The following RABL2B variants were observed in gnomAD, a reference collection of about 807,000 sequenced individuals.
RABL2B encodes the protein RAB, member of RAS oncogene family like 2B.
RABL2B carries 17 observed loss-of-function variants against 26.7 expected under a neutral mutation model. That is an observed-to-expected ratio of 0.64 (90% CI 0.44 to 0.95). The LOEUF is 0.95. Among genes scored for constraint, RABL2B ranks in the 40% least tolerant of loss-of-function variants. The probability of loss-of-function intolerance (pLI) is 0.00; values close to 1 mark genes in which losing one functional copy is unlikely to be tolerated. For missense variants in RABL2B, 170 were observed against 277.2 expected (o/e 0.61, Z 2.75); for synonymous variants, 70 against 103.9 (o/e 0.67, Z 1.99).
At chr22:50,778,459 T>C (rs1172104383) in intron 2 of RABL2B, among the ~76,000 whole-genome samples, 1 of 151,696 alleles carries the variant, frequency 6.6e-6, no homozygotes, top group Non-Finnish European at 1.5e-5. Context: ...GACACACGCC[T>C]GTGATCCCAG....
intron 5 of RABL2B, among the ~76,000 whole-genome samples, chr22:50,774,039 C>T (rs1452114127): frequency 1.1e-4 from 16 of 152,132 alleles, no homozygotes; most frequent in East Asian, 1.9e-4. Flanking sequence ...GGACTACAGG[C>T]GCCCGCTACC....
chr22:50,774,596 G>A (rs1263493543), intron 5 of RABL2B, among the ~76,000 whole-genome samples: 2 of 149,122 alleles, frequency 1.3e-5, no homozygotes, highest in African/African-American at 2.5e-5. Flanking sequence ...ATGGATTCCC[G>A]ATCCATCAGA....
Position 50,775,881 on chromosome 22 carries a change from G to A in RABL2B, c.218-30C>T, listed in dbSNP as rs781969250. ...AATGTGAACACAGACAGACCTACAT[G>A]CCTGGTGCACTTCTGTGCAAGTCAC... On this transcript the variant is annotated intron_variant, in intron 4 of 8. Transcript: ENST00000691320. 13 of 1,614,012 alleles carry A rather than the reference G, an allele frequency of 8.1e-6. No homozygotes were observed. In the South Asian group the frequency reaches 1.3e-4, roughly 16 times the overall value.
chr22:50,779,705 C>T (rs148755559), intron 2 of RABL2B, among the ~76,000 whole-genome samples: 2 of 152,152 alleles, frequency 1.3e-5, no homozygotes, highest in Non-Finnish European at 2.9e-5. Context: ...TCTTGTTGGC[C>T]GGGTGCGGTG....
chr22:50,776,846 C>T (rs2085067902), intron 3 of RABL2B, 97 bp from the exon 4 acceptor site: 43 of 1,479,576 alleles, frequency 2.9e-5, no homozygotes, highest in Non-Finnish European at 4.0e-5. Flanking sequence ...CCTCTCCCTC[C>T]TCTTCTCTTT....
intron 2 of RABL2B, among the ~76,000 whole-genome samples, chr22:50,780,237 A>G (rs559194583): frequency 0.014 from 2,069 of 142,878 alleles, 43 homozygotes; most frequent in African/African-American, 0.052. Flanking sequence ...CTGCATGAGA[A>G]AAAAAAAAAA....
intron 5 of RABL2B, among the ~76,000 whole-genome samples, chr22:50,775,481 C>T (rs559078332): frequency 2.6e-5 from 4 of 152,278 alleles, no homozygotes; most frequent in African/African-American, 4.8e-5. Context: ...ATCAGAGGGA[C>T]GGTGGCCCTG....
intron 2 of RABL2B, chr22:50,780,491 G>A: frequency 3.0e-6 from 1 of 328,812 alleles, no homozygotes; most frequent in South Asian, 2.6e-5. Flanking sequence ...GCCTGGATGT[G>A]TTAACCTCTT....
intron 2 of RABL2B, among the ~76,000 whole-genome samples, chr22:50,780,183 G>C (rs1357584936): frequency 2.0e-5 from 3 of 150,828 alleles, no homozygotes; most frequent in East Asian, 1.9e-4. Flanking sequence ...TGTCATCAGA[G>C]CCCTCCAACA....
intron 2 of RABL2B, among the ~76,000 whole-genome samples, chr22:50,781,061 C>T (rs1489463242): frequency 1.3e-5 from 2 of 152,066 alleles, no homozygotes; most frequent in Non-Finnish European, 2.9e-5. Context: ...AAACCAGAGG[C>T]CGGGCGCGGT....
chr22:50,773,918 G>C (rs147159805), intron 5 of RABL2B, among the ~76,000 whole-genome samples: 6 of 151,704 alleles, frequency 4.0e-5, no homozygotes, highest in African/African-American at 1.5e-4. Context: ...TTTTTGAGAC[G>C]GAGTCTCGCT....
chr22:50,782,442 C>A, intron 1 of RABL2B, 95 bp from the exon 2 acceptor site: 1 of 1,499,318 alleles, frequency 6.7e-7, no homozygotes. Context: ...TCCCTCAGTG[C>A]CAGACTGAGA....
chr22:50,773,205 T>A, intron 5 of RABL2B: 2 of 1,271,052 alleles, frequency 1.6e-6, no homozygotes, highest in Non-Finnish European at 2.1e-6. Flanking sequence ...CTCTTGAGGG[T>A]CAGACTTCTG....
intron 5 of RABL2B, among the ~76,000 whole-genome samples, chr22:50,770,927 A>G: frequency 6.8e-6 from 1 of 146,766 alleles, no homozygotes; most frequent in South Asian, 2.1e-4. Flanking sequence ...TTTTTTGTAG[A>G]GGCAGGCTCT....
Position 50,767,671 on chromosome 22 carries a change from C to A in RABL2B, c.*1105G>T, listed in dbSNP as rs879962686. On this transcript the variant is annotated 3_prime_UTR_variant, in exon 9 of 9. Transcript: ENST00000691320. ...ATCTGCTAGCTCTCCTCTTGCAGTC[C>A]TCAGCCTCCCACAGGAGGCACAAGG... 8 of 438,524 alleles carry A rather than the reference C, an allele frequency of 1.8e-5. 1 individual carries two copies. Among genetic ancestry groups the A allele is most frequent in the South Asian group, 8.1e-5 (5 of 61,718 alleles). The allele number at this position is 438,524 out of a possible 1,614,324, so 27.2% of individuals were successfully genotyped here. A position where few individuals can be genotyped will look rare whatever the true frequency, so the allele number is the denominator to read the frequency against.
chr22:50,775,258 C>A (rs1237012854), intron 5 of RABL2B, among the ~76,000 whole-genome samples: 40 of 152,160 alleles, frequency 2.6e-4, no homozygotes, highest in African/African-American at 9.7e-4. Context: ...CTTGGAGCGA[C>A]TGCTTCACCA....
chr22:50,777,601 A>C (rs1458992832), intron 3 of RABL2B: 30 of 349,682 alleles, frequency 8.6e-5, no homozygotes, highest in Non-Finnish European at 1.5e-4. Flanking sequence ...AGGGGGCCCA[A>C]GCTTTGAGGT....
At chr22:50,774,938 C>T (rs1411427452) in intron 5 of RABL2B, among the ~76,000 whole-genome samples, 6 of 152,078 alleles carry the variant, frequency 3.9e-5, no homozygotes, top group Non-Finnish European at 5.9e-5. Context: ...CCACCATGCC[C>T]GGCTAATTTT....
At chr22:50,772,532 G>A in intron 5 of RABL2B, 1 of 991,390 alleles carries the variant, frequency 1.0e-6, no homozygotes, top group Non-Finnish European at 1.2e-6. Context: ...CCCTGTAACC[G>A]CTGGCACAGC....
Sources: gnomAD v4.1 joint callset for allele counts (sites outside exome capture counted in the v4.1 genomes callset) on GRCh38, gnomAD v4.1.1 for gene constraint, MANE v1.5 for transcripts, NCBI Gene and HGNC (gene_info 2026-07-23, HGNC 2026-07-21) for gene names.